The following CADM2 variants were observed in gnomAD, a reference collection of about 807,000 sequenced individuals.
The protein encoded by CADM2 is cell adhesion molecule 2.
A neutral mutation model predicts 49.8 loss-of-function variants in CADM2; 12 were observed. The observed-to-expected ratio is 0.24, with a 90% CI of 0.15 to 0.39. CADM2 has a LOEUF of 0.39. Among genes scored for constraint, CADM2 ranks in the 10% least tolerant of loss-of-function variants. The probability of loss-of-function intolerance (pLI) is 1.00; values close to 1 mark genes in which losing one functional copy is unlikely to be tolerated. For missense variants in CADM2, 378 were observed against 492.3 expected, an observed-to-expected ratio of 0.77 and a Z score of 2.20; for synonymous variants, 214 against 175.4, an observed-to-expected ratio of 1.22 and a Z score of -1.74.
chr3:85,401,400 G>T (rs936451553), intron 1 of CADM2, among the ~76,000 whole-genome samples: 3 of 152,126 alleles, frequency 2.0e-5, no homozygotes, highest in Non-Finnish European at 4.4e-5. Flanking sequence ...CAGAAGGATG[G>T]CTTTCTCCTC....
intron 1 of CADM2, among the ~76,000 whole-genome samples, chr3:85,129,532 C>T (rs1233832468): frequency 6.6e-6 from 1 of 152,022 alleles, no homozygotes; most frequent in African/African-American, 2.4e-5. Flanking sequence ...CCAGTTGAAC[C>T]AACATTGGAA....
chr3:85,235,752 A>G (rs1006923560), intron 1 of CADM2, among the ~76,000 whole-genome samples: 2 of 151,840 alleles, frequency 1.3e-5, no homozygotes, highest in African/African-American at 4.8e-5. Flanking sequence ...CCTCTTATAG[A>G]TTTGTCTTTT....
intron 1 of CADM2, among the ~76,000 whole-genome samples, chr3:85,443,655 C>A (rs2037311264): frequency 6.6e-6 from 1 of 152,154 alleles, no homozygotes; most frequent in African/African-American, 2.4e-5. Context: ...AACTGATTAA[C>A]AACCTACCTC....
At chr3:85,849,544 G>T (rs1186869835) in intron 3 of CADM2, among the ~76,000 whole-genome samples, 1 of 152,110 alleles carries the variant, frequency 6.6e-6, no homozygotes. Context: ...TTAACATCGT[G>T]AATGTAACAC....
intron 1 of CADM2, among the ~76,000 whole-genome samples, chr3:85,617,037 G>A (rs1457138766): frequency 6.6e-6 from 1 of 152,084 alleles, no homozygotes; most frequent in African/African-American, 2.4e-5. Flanking sequence ...GAAGATTTCT[G>A]TGAAAACCAC....
At chr3:85,747,361 C>G (rs1400871524) in intron 2 of CADM2, among the ~76,000 whole-genome samples, 1 of 152,042 alleles carries the variant, frequency 6.6e-6, no homozygotes, top group Non-Finnish European at 1.5e-5. Context: ...AAACACAGAT[C>G]TTCATATTAT....
intron 1 of CADM2, among the ~76,000 whole-genome samples, chr3:85,227,179 T>G (rs866141827): frequency 6.6e-6 from 1 of 152,168 alleles, no homozygotes; most frequent in Non-Finnish European, 1.5e-5. Context: ...TAAATATCCC[T>G]GTTACTTTTC....
At chr3:85,006,771 C>T (rs941977399) in intron 1 of CADM2, among the ~76,000 whole-genome samples, 5 of 151,872 alleles carry the variant, frequency 3.3e-5, no homozygotes, top group East Asian at 1.9e-4. Flanking sequence ...TTTAAGAGCC[C>T]GTTGTAATAA....
intron 1 of CADM2, among the ~76,000 whole-genome samples, chr3:85,530,362 A>G (rs1352692016): frequency 3.5e-5 from 4 of 114,938 alleles, no homozygotes; most frequent in South Asian, 2.7e-4. Context: ...ACGGAGTCTC[A>G]CTCTGTCGCC....
At chr3:85,841,944 A>G (rs1249060075) in intron 3 of CADM2, among the ~76,000 whole-genome samples, 1 of 152,088 alleles carries the variant, frequency 6.6e-6, no homozygotes, top group Non-Finnish European at 1.5e-5. Flanking sequence ...GATTTGTAAA[A>G]TTATAGTTTC....
chr3:85,508,609 C>A (rs554419821), intron 1 of CADM2, among the ~76,000 whole-genome samples: 1 of 152,182 alleles, frequency 6.6e-6, no homozygotes, highest in Non-Finnish European at 1.5e-5. Context: ...GAAATGCTTT[C>A]GGCTAGAAGA....
At chr3:85,923,389 A>G (rs1163754850) in intron 6 of CADM2, among the ~76,000 whole-genome samples, 1 of 152,076 alleles carries the variant, frequency 6.6e-6, no homozygotes, top group Non-Finnish European at 1.5e-5. Context: ...TTTTACTGTC[A>G]TTTTAAGAGG....
chr3:86,010,754 G>A (rs889933609), intron 8 of CADM2, among the ~76,000 whole-genome samples: 1 of 151,262 alleles, frequency 6.6e-6, no homozygotes, highest in South Asian at 2.1e-4. Context: ...AATTTATAAA[G>A]TCAGTAAAAT....
At chr3:85,989,868 C>G (rs538599124) in intron 8 of CADM2, among the ~76,000 whole-genome samples, 1 of 151,530 alleles carries the variant, frequency 6.6e-6, no homozygotes, top group Admixed American at 6.6e-5. Context: ...AAAAAATTAA[C>G]TGGGCATGGT....
chr3:85,255,317 C>T (rs1291142623), intron 1 of CADM2, among the ~76,000 whole-genome samples: 2 of 152,086 alleles, frequency 1.3e-5, no homozygotes, highest in African/African-American at 4.8e-5. Context: ...TAAATACCTT[C>T]ACTTAAAGGT....
At chr3:85,625,933 A>G (rs2064118838) in intron 1 of CADM2, among the ~76,000 whole-genome samples, 1 of 151,980 alleles carries the variant, frequency 6.6e-6, no homozygotes, top group African/African-American at 2.4e-5. Context: ...ACCAAACTTG[A>G]TTGTCGTTAA....
At chr3:85,600,787 A>G (rs760179576) in intron 1 of CADM2, among the ~76,000 whole-genome samples, 6 of 151,518 alleles carry the variant, frequency 4.0e-5, no homozygotes, top group African/African-American at 1.5e-4. Flanking sequence ...TACTTACTCT[A>G]TTAATACAGA....
At chr3:85,742,740 C>A (rs1404872175) in intron 2 of CADM2, among the ~76,000 whole-genome samples, 1 of 152,138 alleles carries the variant, frequency 6.6e-6, no homozygotes, top group African/African-American at 2.4e-5. Flanking sequence ...ATGATCTTAG[C>A]ATTTCAGGTG....
chr3:85,247,059 T>TA (rs201249277), intron 1 of CADM2, among the ~76,000 whole-genome samples: 1 of 151,840 alleles, frequency 6.6e-6, no homozygotes, highest in African/African-American at 2.4e-5. Context: ...GGTTAAGATA[T>TA]AAAAAAAATT....
Sources: gnomAD v4.1 joint callset for allele counts (sites outside exome capture counted in the v4.1 genomes callset) on GRCh38, gnomAD v4.1.1 for gene constraint, MANE v1.5 for transcripts, NCBI Gene and HGNC (gene_info 2026-07-23, HGNC 2026-07-21) for gene names.